The following TSHZ3 variants were observed in gnomAD, a reference collection of about 807,000 sequenced individuals.
TSHZ3 encodes the protein teashirt zinc finger homeobox 3.
In TSHZ3, 10 loss-of-function variants were observed where a neutral mutation model predicts 64.5. That is an observed-to-expected ratio of 0.16 (90% CI 0.10 to 0.26). TSHZ3 has a LOEUF of 0.26. Among genes scored for constraint, TSHZ3 ranks in the 10% least tolerant of loss-of-function variants. The pLI is 1.00. For synonymous variants in TSHZ3, 608 were observed against 593.1 expected (o/e 1.03, Z -0.36); for missense variants, 1,242 against 1,421.7 (o/e 0.87, Z 2.03).
chr19:31,269,041 C>G (rs1394621990), intron 1 of TSHZ3, among the ~76,000 whole-genome samples: 2 of 152,086 alleles, frequency 1.3e-5, no homozygotes, highest in Admixed American at 6.5e-5. Flanking sequence ...CCCAGCAGGT[C>G]CACACATTGC....
chr19:31,299,369 G>A (rs891149643), intron 1 of TSHZ3, among the ~76,000 whole-genome samples: 13 of 152,264 alleles, frequency 8.5e-5, no homozygotes, highest in Non-Finnish European at 1.3e-4. Flanking sequence ...TGGAGGGCAC[G>A]GGGAGACACA....
intron 1 of TSHZ3, among the ~76,000 whole-genome samples, chr19:31,291,633 C>G (rs1568371138): frequency 6.6e-6 from 1 of 152,180 alleles, no homozygotes; most frequent in African/African-American, 2.4e-5. Context: ...TCAGACAAAT[C>G]TTCAGATAAC....
intron 4 of TSHZ3, among the ~76,000 whole-genome samples, chr19:31,223,064 A>G (rs1358460581): frequency 6.6e-6 from 1 of 152,116 alleles, no homozygotes; most frequent in Non-Finnish European, 1.5e-5. Context: ...ATTTCTGTTG[A>G]GAGGGCATTA....
At chr19:31,337,179 G>C (rs897619095) in intron 1 of TSHZ3, among the ~76,000 whole-genome samples, 1 of 152,088 alleles carries the variant, frequency 6.6e-6, no homozygotes, top group African/African-American at 2.4e-5. Flanking sequence ...CTGATTCAGA[G>C]CAAACAGCTG....
chr19:31,189,926 T>G (rs1031754559), intron 5 of TSHZ3, among the ~76,000 whole-genome samples: 2 of 152,176 alleles, frequency 1.3e-5, no homozygotes, highest in African/African-American at 4.8e-5. Flanking sequence ...TATTCTTCTT[T>G]TTAAATTACC....
intron 5 of TSHZ3, chr19:31,167,856 C>T (rs923382932): frequency 1.3e-5 from 2 of 152,138 alleles, no homozygotes; most frequent in African/African-American, 4.8e-5. Context: ...CAGTATATAC[C>T]CCTCCCGTCG....
At chr19:31,315,564 G>A (rs1916577565) in intron 1 of TSHZ3, among the ~76,000 whole-genome samples, 1 of 152,180 alleles carries the variant, frequency 6.6e-6, no homozygotes, top group African/African-American at 2.4e-5. Context: ...TCCCTCACTC[G>A]CCACCCAGCT....
chr19:31,349,242 C>G lies in TSHZ3; in HGVS notation c.-23G>C, dbSNP rs1454782353. The G allele has an allele frequency of 6.5e-7, 1 of 1,532,780 alleles. No homozygotes were observed. The highest frequency in any genetic ancestry group is 8.8e-7 in the Non-Finnish European group (1 of 1,141,818). The allele number at this position is 1,532,780 out of a possible 1,614,324, so 94.9% of individuals were successfully genotyped here. A position where few individuals can be genotyped will look rare whatever the true frequency, so the allele number is the denominator to read the frequency against. On this transcript the variant is annotated 5_prime_UTR_variant, in exon 1 of 2. Coordinates refer to ENST00000240587, the MANE Select transcript of TSHZ3 (RefSeq NM_020856.4). ...CATGATGCTTCTCCGGCGACTGCCA[C>G]TGCCGCCGCCGCCGCCGCTGCCGGG...
At chr19:31,205,326 G>A (rs1029102561) in intron 4 of TSHZ3, among the ~76,000 whole-genome samples, 35 of 152,192 alleles carry the variant, frequency 2.3e-4, no homozygotes, top group African/African-American at 8.2e-4. Context: ...GGGACTCTCA[G>A]CTAGTAAGTG....
intron 1 of TSHZ3, among the ~76,000 whole-genome samples, chr19:31,315,408 G>A (rs1916572971): frequency 6.6e-6 from 1 of 152,122 alleles, no homozygotes; most frequent in Non-Finnish European, 1.5e-5. Flanking sequence ...GAGCTTGGCT[G>A]GGGGTACTCA....
intron 1 of TSHZ3, among the ~76,000 whole-genome samples, chr19:31,348,024 G>A (rs1425498665): frequency 6.6e-6 from 1 of 152,168 alleles, no homozygotes; most frequent in Non-Finnish European, 1.5e-5. Flanking sequence ...GAAAGGAAGA[G>A]AAAAGAAAAG....
chr19:31,286,232 C>T (rs1976461813), intron 1 of TSHZ3, among the ~76,000 whole-genome samples: 1 of 152,226 alleles, frequency 6.6e-6, no homozygotes, highest in Admixed American at 6.5e-5. Context: ...AGACAACTGC[C>T]TGAACTGAAG....
chr19:31,269,424 G>T (rs929329369), intron 1 of TSHZ3, among the ~76,000 whole-genome samples: 1 of 151,618 alleles, frequency 6.6e-6, no homozygotes, highest in Non-Finnish European at 1.5e-5. Context: ...ACTCCTTCCC[G>T]ACAGACACAC....
chr19:31,310,637 G>A (rs945091991), intron 1 of TSHZ3, among the ~76,000 whole-genome samples: 3 of 152,184 alleles, frequency 2.0e-5, no homozygotes, highest in Non-Finnish European at 4.4e-5. Flanking sequence ...TGATGCATAA[G>A]TCACAATGTG....
At chr19:31,222,198 A>G (rs974926168) in intron 4 of TSHZ3, among the ~76,000 whole-genome samples, 5 of 152,214 alleles carry the variant, frequency 3.3e-5, no homozygotes, top group Non-Finnish European at 5.9e-5. Context: ...GTAAGTGCAT[A>G]TGGAACATGT....
At chr19:31,189,303 GT>G (rs1369033632) in intron 5 of TSHZ3, among the ~76,000 whole-genome samples, 1 of 151,620 alleles carries the variant, frequency 6.6e-6, no homozygotes, top group African/African-American at 2.4e-5. Context: ...TATTTACTTA[GT>G]TTTTTTCTTA....
rs368860325 is a variant in TSHZ3 at position 31,349,076 on chromosome 19, C to T, written c.40+104G>A. 670 of 1,421,282 alleles carry T rather than the reference C, an allele frequency of 4.7e-4. 2 individuals are homozygous for T. The highest frequency in any genetic ancestry group is 5.7e-4 in the Non-Finnish European group (607 of 1,063,156). The allele number at this position is 1,421,282 out of a possible 1,614,324, so 88.0% of individuals were successfully genotyped here. A position where few individuals can be genotyped will look rare whatever the true frequency, so the allele number is the denominator to read the frequency against. ...GAGCGGCGCCCGGAGTTACTCAGTG[C>T]GGGCAGAAGAGCGGGGCGAGGAGCG... On this transcript the variant is annotated intron_variant, in intron 1 of 1. Coordinates refer to ENST00000240587, the MANE Select transcript of TSHZ3 (RefSeq NM_020856.4).
chr19:31,331,038 T>C (rs924649416), intron 1 of TSHZ3, among the ~76,000 whole-genome samples: 1 of 152,182 alleles, frequency 6.6e-6, no homozygotes, highest in Non-Finnish European at 1.5e-5. Flanking sequence ...ACATGAGAGC[T>C]GCCCAACCCA....
intron 1 of TSHZ3, among the ~76,000 whole-genome samples, chr19:31,259,112 A>C (rs1453669958): frequency 6.6e-6 from 1 of 152,190 alleles, no homozygotes; most frequent in African/African-American, 2.4e-5. Context: ...TGATGTTCTT[A>C]TTTGCAGTAA....
Sources: gnomAD v4.1 joint callset for allele counts (sites outside exome capture counted in the v4.1 genomes callset) on GRCh38, gnomAD v4.1.1 for gene constraint, MANE v1.5 for transcripts, NCBI Gene and HGNC (gene_info 2026-07-23, HGNC 2026-07-21) for gene names.